ZC3H18: variants seen among roughly 807,000 people sequenced by gnomAD.
ZC3H18 encodes the protein zinc finger CCCH-type containing 18.
In ZC3H18, 8 loss-of-function variants were observed where a neutral mutation model predicts 106.1. The ratio of observed to expected loss-of-function variants is 0.08; its 90% CI spans 0.04 to 0.14. The LOEUF (loss-of-function observed/expected upper bound fraction) is 0.14. Among genes scored for constraint, ZC3H18 ranks in the 10% least tolerant of loss-of-function variants. The pLI is 1.00. For synonymous variants in ZC3H18, 635 were observed against 522.1 expected (o/e 1.22, Z -2.95); for missense variants, 1,318 against 1,278.4 (o/e 1.03, Z -0.47).
chr16:88,615,908 C>A (rs779183050), intron 8 of ZC3H18, among the ~76,000 whole-genome samples: 2 of 152,192 alleles, frequency 1.3e-5, no homozygotes, highest in Non-Finnish European at 2.9e-5. Context: ...CTGGAGTACG[C>A]GTTAGAGGGC....
At chr16:88,607,643 C>T (rs960890451) in intron 6 of ZC3H18, among the ~76,000 whole-genome samples, 7 of 151,948 alleles carry the variant, frequency 4.6e-5, no homozygotes, top group Admixed American at 2.0e-4. Flanking sequence ...CCCATTTATT[C>T]ACAGGCTTCA....
chr16:88,600,095 C>G, intron 6 of ZC3H18, 147 bp downstream of exon 6: 1 of 1,054,370 alleles, frequency 9.5e-7, no homozygotes. Flanking sequence ...TGAGAGCATT[C>G]AGGCACGGTT....
chr16:88,614,484 A>G (rs1198245008), intron 8 of ZC3H18, among the ~76,000 whole-genome samples: 2 of 152,228 alleles, frequency 1.3e-5, no homozygotes, highest in African/African-American at 4.8e-5. Context: ...AGGGTCACTC[A>G]TGGCTGTAGC....
intron 3 of ZC3H18, among the ~76,000 whole-genome samples, chr16:88,595,458 G>T (rs1256874243): frequency 6.8e-6 from 1 of 147,962 alleles, no homozygotes; most frequent in Non-Finnish European, 1.5e-5. Flanking sequence ...CTATTTTCTG[G>T]ATAATTTCTT....
At chr16:88,578,763 C>G (rs555206222) in intron 2 of ZC3H18, among the ~76,000 whole-genome samples, 1 of 152,138 alleles carries the variant, frequency 6.6e-6, no homozygotes, top group Non-Finnish European at 1.5e-5. Context: ...GCCATCTCAG[C>G]TCACTACAGC....
rs1915555557 is a variant in ZC3H18, at chr16:88,588,342, C to CA, written c.688+1658_688+1659insA. On this transcript the variant is annotated intron_variant, in intron 3 of 17. Transcript: ENST00000301011. Reference sequence around the variant, plus strand: ...TGGCAGTGTGACTGGGAAGCTTGACCGGCCAGTCGGCGTTGGCCTGATGGT... The same window carrying CA: ...TGGCAGTGTGACTGGGAAGCTTGACCAGGCCAGTCGGCGTTGGCCTGATGGT... Among the ~76,000 whole-genome samples the CA allele has an allele frequency of 8.5e-5, 13 of 152,334 alleles. No homozygotes were observed. The South Asian group carries it at 2.7e-3, about 32-fold the overall frequency.
At chr16:88,584,659 C>G (rs1034738866) in intron 2 of ZC3H18, among the ~76,000 whole-genome samples, 3 of 152,142 alleles carry the variant, frequency 2.0e-5, no homozygotes, top group African/African-American at 7.2e-5. Context: ...AGTCTGTGTT[C>G]TTTGGGTTGA....
intron 2 of ZC3H18, among the ~76,000 whole-genome samples, chr16:88,578,308 T>C (rs1914889355): frequency 6.6e-6 from 1 of 152,264 alleles, no homozygotes; most frequent in Middle Eastern, 3.4e-3. Flanking sequence ...CAGCACACTT[T>C]TTTGTACATT....
intron 3 of ZC3H18, among the ~76,000 whole-genome samples, chr16:88,595,975 C>T (rs1001129410): frequency 2.6e-5 from 4 of 152,172 alleles, no homozygotes; most frequent in South Asian, 2.1e-4. Flanking sequence ...TTCTGCCTGA[C>T]GTCTGCTGGA....
intron 5 of ZC3H18, 145 bp from the exon 6 acceptor site, chr16:88,599,646 G>T: frequency 1.0e-6 from 1 of 965,074 alleles, no homozygotes; most frequent in Non-Finnish European, 1.5e-6. Flanking sequence ...TGCTGTGTCC[G>T]CCCCTCACCC....
In ZC3H18 at chr16:88,594,288, ATTG is replaced by A. The variant is rs143670366; in HGVS notation, c.689-3887_689-3885del. 9.8e-4 allele frequency among the ~76,000 whole-genome samples: 149 copies of A among 152,284 alleles called. 1 individual carries two copies. In the East Asian group the frequency reaches 0.025, roughly 26 times the overall value. On this transcript the variant is annotated intron_variant, in intron 3 of 17. Coordinates refer to ENST00000301011, the MANE Select transcript of ZC3H18 (RefSeq NM_144604.4). ...GTTACTATATATTGGATATCTTGTT[ATTG>A]TTAAATAATGAGATATCTTTAAGTG...
chr16:88,578,505 A>C (rs1914902748), intron 2 of ZC3H18, among the ~76,000 whole-genome samples: 1 of 151,476 alleles, frequency 6.6e-6, no homozygotes. Context: ...AGCAAGGGAC[A>C]GAGCAGTTGA....
intron 6 of ZC3H18, among the ~76,000 whole-genome samples, chr16:88,606,442 G>A (rs901311904): frequency 6.6e-6 from 1 of 152,208 alleles, no homozygotes; most frequent in African/African-American, 2.4e-5. Context: ...CAGGAAAGAG[G>A]CCTTTTCATT....
chr16:88,619,974 C>A (rs1905859213), intron 8 of ZC3H18, among the ~76,000 whole-genome samples: 1 of 152,138 alleles, frequency 6.6e-6, no homozygotes, highest in Non-Finnish European at 1.5e-5. Context: ...ATTACTTTTC[C>A]AGGAGACACC....
At position 88,625,216 on chromosome 16, in the gene ZC3H18, G is replaced by A. The variant is rs755803920; in HGVS notation, c.2057G>A (p.Gly686Asp). Residue 686 changes from glycine (G) to aspartate (D), a missense_variant, in exon 13 of 18, where the codon GGC (glycine) becomes GAC (aspartate). This residue lies in a region of ZC3H18 where 848 missense variants were observed against 821.7 expected (regional missense o/e 1.03). Transcript: ENST00000301011. ...RTPPRRRTLSGSGSGSGSSYS... is the reference protein window; with the variant it reads ...RTPPRRRTLSDSGSGSGSSYS... Reference sequence around the variant, plus strand: ...TTGTATTACAGGCGGACGCTAAGCGGCAGCGGCAGTGGCAGTGGTAGCAGC... The same window carrying A: ...TTGTATTACAGGCGGACGCTAAGCGACAGCGGCAGTGGCAGTGGTAGCAGC... 3.1e-5 allele frequency: 50 copies of A among 1,591,132 alleles called. No homozygotes were observed. The Admixed American group carries it at 8.4e-4, about 27-fold the overall frequency.
intron 6 of ZC3H18, among the ~76,000 whole-genome samples, chr16:88,603,789 ATT>A (rs58417387): frequency 0.83 from 112,048 of 135,490 alleles, 46,363 homozygotes; most frequent in Admixed American, 0.89. Context: ...TGCCCGGCTA[ATT>A]TTTTTTTTTT....
intron 7 of ZC3H18, among the ~76,000 whole-genome samples, chr16:88,609,670 C>T (rs1905181481): frequency 1.3e-5 from 2 of 151,910 alleles, no homozygotes; most frequent in African/African-American, 4.8e-5. Context: ...CGTGATCTCA[C>T]CTCACTGCAA....
In ZC3H18 at chr16:88,609,062, C is replaced by T. The variant is rs766827703; in HGVS notation, c.1206+11C>T. On this transcript the variant is annotated intron_variant, in intron 7 of 17. Coordinates refer to ENST00000301011, the MANE Select transcript of ZC3H18 (RefSeq NM_144604.4). ...TATCATAATTACCGAGTAAGTATGA[C>T]TTCAATATCCACATATGAACTTCAT... 6.3e-6 allele frequency: 10 copies of T among 1,578,712 alleles called. No individual in the cohort carries two copies. Among genetic ancestry groups the T allele is most frequent in the Admixed American group, 1.7e-5 (1 of 59,462 alleles).
chr16:88,631,412 G>GA lies in ZC3H18; in HGVS notation c.*121dup, dbSNP rs985678850. 40 of 1,386,898 alleles carry GA rather than the reference G, an allele frequency of 2.9e-5. No individual in the cohort carries two copies. Among genetic ancestry groups the GA allele is most frequent in the African/African-American group, 1.6e-4 (11 of 67,728 alleles). The allele number at this position is 1,386,898 out of a possible 1,614,324, so 85.9% of individuals were successfully genotyped here. A position where few individuals can be genotyped will look rare whatever the true frequency, so the allele number is the denominator to read the frequency against. On this transcript the variant is annotated 3_prime_UTR_variant, in exon 18 of 18. Transcript: ENST00000301011. ...GTGATTCTTTTTAAAAAGTAAAAAAGAAAAAAAAGTTTCTCAGCTGGAAAA... is the reference window on the plus strand; with the variant it reads ...GTGATTCTTTTTAAAAAGTAAAAAAGAAAAAAAAAGTTTCTCAGCTGGAAAA...
Sources: gnomAD v4.1 joint callset for allele counts (sites outside exome capture counted in the v4.1 genomes callset) on GRCh38, gnomAD v4.1.1 for gene constraint, gnomAD v4.1.1 regional missense constraint, MANE v1.5 for transcripts, NCBI Gene and HGNC (gene_info 2026-07-23, HGNC 2026-07-21) for gene names.